The following C17orf67 variants were observed in gnomAD, a reference collection of about 807,000 sequenced individuals.
The protein encoded by C17orf67 is uncharacterized protein C17orf67.
Under a neutral mutation model 11.2 loss-of-function variants are expected in C17orf67, and 12 were observed. The ratio of observed to expected loss-of-function variants is 1.07; its 90% confidence interval spans 0.68 to 1.73. The LOEUF is 1.73. Among genes scored for constraint, C17orf67 ranks in the 40% most tolerant of loss-of-function variants. C17orf67 has a pLI of 0.00. For missense variants in C17orf67, 115 were observed against 113.5 expected, an observed-to-expected ratio of 1.01 and a Z score of -0.06; for synonymous variants, 59 against 46.9, an observed-to-expected ratio of 1.26 and a Z score of -1.05.
intron 6 of C17orf67, among the ~76,000 whole-genome samples, chr17:56,798,604 G>A (rs1905255678): frequency 6.6e-6 from 1 of 152,050 alleles, no homozygotes; most frequent in Non-Finnish European, 1.5e-5. Flanking sequence ...GAGGTGGGCA[G>A]ATCACTCAAG....
chr17:56,804,833 G>A (rs145556792), intron 6 of C17orf67, among the ~76,000 whole-genome samples: 326 of 152,182 alleles, frequency 2.1e-3, no homozygotes, highest in South Asian at 6.8e-3. Context: ...CAGCTCACCC[G>A]AGCAATTGGC....
rs1477611001 is a variant in C17orf67 at position 56,823,359 on chromosome 17, C to T, written c.-201+1380G>A. On this transcript the variant is annotated intron_variant, in intron 4 of 7. Transcript: ENST00000397861. Reference sequence around the variant, plus strand: ...TTAGAATCACCTGAGGTTCAACAGACATCTAGAACGCCTCTGACATGAAAA... The same window carrying T: ...TTAGAATCACCTGAGGTTCAACAGATATCTAGAACGCCTCTGACATGAAAA... Among the ~76,000 whole-genome samples, 3 of 151,752 alleles carry T rather than the reference C, an allele frequency of 2.0e-5. No individual in the cohort carries two copies. The East Asian group carries it at 5.8e-4, about 29-fold the overall frequency.
intron 2 of C17orf67, among the ~76,000 whole-genome samples, chr17:56,829,710 A>T (rs1040694884): frequency 6.6e-6 from 1 of 152,134 alleles, no homozygotes; most frequent in Admixed American, 6.5e-5. Context: ...GATTCCTCCA[A>T]ATCTAAAGAA....
rs528948603 is a variant in C17orf67 at position 56,812,179 on chromosome 17, C to G, written c.156+2690G>C. Among the ~76,000 whole-genome samples the G allele has an allele frequency of 3.3e-5, 5 of 152,374 alleles. No homozygotes were observed. The South Asian group carries it at 6.2e-4, about 19-fold the overall frequency. On this transcript the variant is annotated intron_variant, in intron 6 of 7. Transcript: ENST00000397861. The stretch of plus-strand genomic sequence containing the variant: ...AATTATAGAGAGAGACAGAGAGAGA[C>G]ACACACAGCGTGACAGAGAGTAAAC...
chr17:56,814,673 C>A, intron 6 of C17orf67, among the ~76,000 whole-genome samples, 196 bp downstream of exon 6: 1 of 152,212 alleles, frequency 6.6e-6, no homozygotes, highest in East Asian at 1.9e-4. Context: ...TTACCCTGTT[C>A]ATAACAGGTG....
rs1441002778 is a variant in C17orf67, at chr17:56,833,680, G to C, written c.-1064C>G. ...GGCCGCCTCCCCCCCTCGCTTCCCA[G>C]TCGGCTTACGCATCCCCGGCGGCGG... On this transcript the variant is annotated 5_prime_UTR_variant, in exon 1 of 8. Coordinates refer to ENST00000397861, the MANE Select transcript of C17orf67 (RefSeq NM_001085430.4). The C allele has an allele frequency of 1.3e-5, 2 of 151,988 alleles. No individual in the cohort carries two copies. Among genetic ancestry groups the C allele is most frequent in the East Asian group, 3.9e-4 (2 of 5,158 alleles). The allele number at this position is 151,988 out of a possible 1,614,324, so 9.4% of individuals were successfully genotyped here.
At chr17:56,804,124 C>G in intron 6 of C17orf67, 1 of 152,184 alleles carries the variant, frequency 6.6e-6, no homozygotes, top group Non-Finnish European at 1.5e-5. Context: ...AAACCAGTAT[C>G]TGTGTTCCAT....
At chr17:56,809,631 A>G (rs566586289) in intron 6 of C17orf67, among the ~76,000 whole-genome samples, 9 of 134,922 alleles carry the variant, frequency 6.7e-5, no homozygotes, top group African/African-American at 2.6e-4. Flanking sequence ...ACACCCACAC[A>G]CACACCCTCA....
At chr17:56,805,038 C>T (rs546375223) in intron 6 of C17orf67, among the ~76,000 whole-genome samples, 31 of 152,280 alleles carry the variant, frequency 2.0e-4, no homozygotes, top group African/African-American at 5.5e-4. Context: ...CAATACTGTA[C>T]GGTGCTTGGT....
intron 2 of C17orf67, among the ~76,000 whole-genome samples, chr17:56,828,941 T>C (rs1906117040): frequency 6.6e-6 from 1 of 151,808 alleles, no homozygotes; most frequent in Non-Finnish European, 1.5e-5. Context: ...CCCAGTTTTG[T>C]AGATGCTTAT....
At chr17:56,829,409 T>G (rs963820889) in intron 2 of C17orf67, among the ~76,000 whole-genome samples, 6 of 152,242 alleles carry the variant, frequency 3.9e-5, no homozygotes, top group Non-Finnish European at 8.8e-5. Flanking sequence ...AGACGTTATC[T>G]ATGCTGGAGT....
At chr17:56,815,704 A>G in intron 5 of C17orf67, 52 bp downstream of exon 5, 1 of 1,477,514 alleles carries the variant, frequency 6.8e-7, no homozygotes, top group Non-Finnish European at 9.1e-7. Flanking sequence ...CAAATAGACT[A>G]TTATTTATCA....
At chr17:56,816,065 A>C in intron 4 of C17orf67, 55 bp from the exon 5 acceptor site, 1 of 521,186 alleles carries the variant, frequency 1.9e-6, no homozygotes, top group Non-Finnish European at 3.2e-6. Flanking sequence ...GAATCTGAAA[A>C]AGCAACATGT....
chr17:56,831,690 C>T (rs554851594), intron 2 of C17orf67, among the ~76,000 whole-genome samples: 5 of 152,288 alleles, frequency 3.3e-5, no homozygotes, highest in Non-Finnish European at 5.9e-5. Context: ...CTCCCCAAGT[C>T]TGTTCCCATT....
chr17:56,798,770 T>C (rs139747297), intron 6 of C17orf67, among the ~76,000 whole-genome samples: 18,064 of 151,960 alleles, frequency 0.12, 1,164 homozygotes, highest in South Asian at 0.16. Context: ...GAGGTAGAGG[T>C]TGCAGTGAGC....
At chr17:56,824,497 C>T (rs1027172977) in intron 4 of C17orf67, among the ~76,000 whole-genome samples, 3 of 152,238 alleles carry the variant, frequency 2.0e-5, no homozygotes, top group African/African-American at 7.2e-5. Context: ...TCCCCATTCC[C>T]ACACCCCATT....
At chr17:56,822,833 C>T (rs1377192875) in intron 4 of C17orf67, among the ~76,000 whole-genome samples, 2 of 152,248 alleles carry the variant, frequency 1.3e-5, no homozygotes. Context: ...CAGGCATACA[C>T]CCCTTCCTGT....
At chr17:56,806,484 T>G (rs1198986135) in intron 6 of C17orf67, among the ~76,000 whole-genome samples, 1 of 152,208 alleles carries the variant, frequency 6.6e-6, no homozygotes, top group Non-Finnish European at 1.5e-5. Context: ...TTTTAGAAAT[T>G]TACATGCATA....
chr17:56,830,910 A>G (rs1906182016), intron 2 of C17orf67, among the ~76,000 whole-genome samples: 1 of 152,206 alleles, frequency 6.6e-6, no homozygotes, highest in Non-Finnish European at 1.5e-5. Context: ...AGAACTTTGT[A>G]GGAAAAGGGG....
Sources: gnomAD v4.1 joint callset for allele counts (sites outside exome capture counted in the v4.1 genomes callset) on GRCh38, gnomAD v4.1.1 for gene constraint, MANE v1.5 for transcripts, NCBI Gene and HGNC (gene_info 2026-07-23, HGNC 2026-07-21) for gene names.